LINGO2: variants seen among roughly 807,000 people sequenced by gnomAD.
LINGO2 encodes leucine-rich repeat and immunoglobulin-like domain-containing nogo receptor-interacting protein 2.
In LINGO2, 14 loss-of-function variants were observed where a neutral mutation model predicts 30.6. The ratio of observed to expected loss-of-function variants is 0.46; its 90% confidence interval spans 0.30 to 0.72. The LOEUF (loss-of-function observed/expected upper bound fraction) is 0.72, where lower values mean the gene tolerates loss of function less well. Among genes scored for constraint, LINGO2 ranks in the 30% least tolerant of loss-of-function variants. The probability of loss-of-function intolerance (pLI) is 0.07; values close to 1 mark genes in which losing one functional copy is unlikely to be tolerated. For missense variants in LINGO2, 729 were observed against 751.7 expected, an observed-to-expected ratio of 0.97 and a Z score of 0.35; for synonymous variants, 317 against 288.5, an observed-to-expected ratio of 1.10 and a Z score of -1.00.
intron 1 of LINGO2, among the ~76,000 whole-genome samples, chr9:28,513,430 G>T (rs540616391): frequency 1.3e-5 from 2 of 152,042 alleles, no homozygotes; most frequent in Non-Finnish European, 2.9e-5. Context: ...ATTTTTTAGG[G>T]TACAGCTATA....
chr9:27,962,236 TA>T (rs1277584005), intron 5 of LINGO2, among the ~76,000 whole-genome samples: 15 of 152,216 alleles, frequency 9.9e-5, no homozygotes, highest in African/African-American at 3.4e-4. Context: ...AGTACTGTCT[TA>T]TTTGGCAGAA....
chr9:28,629,935 A>C (rs1826856895), intron 1 of LINGO2, among the ~76,000 whole-genome samples: 1 of 142,762 alleles, frequency 7.0e-6, no homozygotes, highest in Non-Finnish European at 1.5e-5. Context: ...CCCCGACCCC[A>C]CAACAGTCCC....
chr9:28,620,723 T>C (rs561469940), intron 1 of LINGO2, among the ~76,000 whole-genome samples: 3 of 152,020 alleles, frequency 2.0e-5, no homozygotes, highest in Admixed American at 6.6e-5. Flanking sequence ...AACTAACAGA[T>C]GAACAGAAAA....
At chr9:28,841,282 A>C in the LINGO2 span, among the ~76,000 whole-genome samples, 1 of 151,780 alleles carries the variant, frequency 6.6e-6, no homozygotes, top group Non-Finnish European at 1.5e-5. Context: ...TGGACATAGA[A>C]TAAGAGCTCA....
intron 1 of LINGO2, among the ~76,000 whole-genome samples, chr9:28,599,678 G>C (rs1401702055): frequency 6.6e-6 from 1 of 152,040 alleles, no homozygotes; most frequent in African/African-American, 2.4e-5. Flanking sequence ...TTAACTGACA[G>C]GCCATCAATA....
chr9:28,136,871 G>C (rs577999019), intron 4 of LINGO2, among the ~76,000 whole-genome samples: 86 of 152,170 alleles, frequency 5.7e-4, no homozygotes, highest in Non-Finnish European at 1.1e-3. Context: ...GCTCTCCCCA[G>C]TGTGGGTGGC....
the LINGO2 span, among the ~76,000 whole-genome samples, chr9:29,123,241 T>G: frequency 6.6e-6 from 1 of 151,952 alleles, no homozygotes; most frequent in South Asian, 2.1e-4. Flanking sequence ...ACCTAAGAAC[T>G]CATATATATT....
chr9:28,645,731 G>A (rs112814752), intron 1 of LINGO2, among the ~76,000 whole-genome samples: 7 of 152,224 alleles, frequency 4.6e-5, no homozygotes, highest in African/African-American at 1.4e-4. Flanking sequence ...GACCTTGGTA[G>A]CCCTATCTAC....
At chr9:29,175,603 T>C in the LINGO2 span, among the ~76,000 whole-genome samples, 1 of 147,732 alleles carries the variant, frequency 6.8e-6, no homozygotes, top group Non-Finnish European at 1.5e-5. Flanking sequence ...CTCGGCTCAC[T>C]GCAACCTCCA....
chr9:28,090,160 C>G (rs755493853), intron 4 of LINGO2, among the ~76,000 whole-genome samples: 4 of 152,172 alleles, frequency 2.6e-5, no homozygotes, highest in Non-Finnish European at 5.9e-5. Context: ...ACCATTCCTT[C>G]TGAAACTATT....
At chr9:28,840,263 C>T in the LINGO2 span, among the ~76,000 whole-genome samples, 5 of 151,810 alleles carry the variant, frequency 3.3e-5, no homozygotes, top group African/African-American at 4.9e-5. Flanking sequence ...CTGTTCCTGG[C>T]GACTGCTGGC....
At chr9:28,449,741 G>C (rs775058070) in intron 2 of LINGO2, among the ~76,000 whole-genome samples, 1 of 151,868 alleles carries the variant, frequency 6.6e-6, no homozygotes. Flanking sequence ...GATTTTCTTT[G>C]CTTCAATTAC....
the LINGO2 span, among the ~76,000 whole-genome samples, chr9:28,714,613 T>G: frequency 8.5e-5 from 13 of 152,114 alleles, no homozygotes; most frequent in African/African-American, 3.1e-4. Context: ...GGTGTTTTAA[T>G]GAGCAAGATA....
the LINGO2 span, among the ~76,000 whole-genome samples, chr9:29,202,896 T>C: frequency 6.6e-6 from 1 of 152,106 alleles, no homozygotes; most frequent in Admixed American, 6.6e-5. Context: ...CATACCTAAG[T>C]ATTTTGCTAG....
chr9:28,948,950 G>A, the LINGO2 span, among the ~76,000 whole-genome samples: 45 of 151,776 alleles, frequency 3.0e-4, 1 homozygote, highest in South Asian at 9.4e-3. Flanking sequence ...AGAGTCCGCT[G>A]GGCCCATTAA....
chr9:28,231,154 T>G (rs1821340663), intron 4 of LINGO2, among the ~76,000 whole-genome samples: 1 of 144,116 alleles, frequency 6.9e-6, no homozygotes, highest in South Asian at 2.1e-4. Context: ...AAGGGTTAGC[T>G]TAAGCCTCAA....
At chr9:28,250,014 C>T (rs1011356834) in intron 4 of LINGO2, among the ~76,000 whole-genome samples, 13 of 152,180 alleles carry the variant, frequency 8.5e-5, no homozygotes, top group Admixed American at 8.5e-4. Flanking sequence ...TACTCATTCT[C>T]AGACATGAAA....
At position 27,955,998 on chromosome 9, in the gene LINGO2, G is replaced by A. The variant is rs182335918; in HGVS notation, c.-35-5292C>T. Among the ~76,000 whole-genome samples, 15 of 137,914 alleles carry A rather than the reference G, an allele frequency of 1.1e-4. No individual in the cohort carries two copies. In the East Asian group the frequency reaches 3.5e-3, roughly 32 times the overall value. The allele number at this position is 137,914 out of a possible 152,430, so 90.5% of individuals were successfully genotyped here. On this transcript the variant is annotated intron_variant, in intron 5 of 5. Coordinates refer to ENST00000379992, the Ensembl canonical transcript of LINGO2. The stretch of plus-strand genomic sequence containing the variant: ...CTTGTTGCCCAGGCTGGAGTGCAAT[G>A]GCATGATCTTGGCTCACTGCAACCT...
chr9:28,644,825 T>C (rs1317504977), intron 1 of LINGO2, among the ~76,000 whole-genome samples: 1 of 152,014 alleles, frequency 6.6e-6, no homozygotes, highest in African/African-American at 2.4e-5. Context: ...CTACTATGTA[T>C]CTATGTACTC....
Sources: gnomAD v4.1 joint callset for allele counts (sites outside exome capture counted in the v4.1 genomes callset) on GRCh38, gnomAD v4.1.1 for gene constraint, MANE v1.5 for transcripts, NCBI Gene and HGNC (gene_info 2026-07-23, HGNC 2026-07-21) for gene names.